The following EFCAB13 variants were observed in gnomAD, a reference collection of about 807,000 sequenced individuals.
The protein encoded by EFCAB13 is EF-hand calcium binding domain 13, also known as EF-hand calcium-binding domain-containing protein 13.
A neutral mutation model predicts 110.2 loss-of-function variants in EFCAB13; 91 were observed. That is an observed-to-expected ratio of 0.83 (90% CI 0.70 to 0.98). The LOEUF is 0.98. EFCAB13 is among the 50% of genes least tolerant of loss of function. The probability of loss-of-function intolerance (pLI) is 0.00; values close to 1 mark genes in which losing one functional copy is unlikely to be tolerated. For missense variants in EFCAB13, 968 were observed against 1,119.4 expected, an observed-to-expected ratio of 0.86 and a Z score of 1.93; for synonymous variants, 323 against 369.9, an observed-to-expected ratio of 0.87 and a Z score of 1.45.
rs1346453083 is a variant in EFCAB13 at position 47,431,825 on chromosome 17, T to C, written c.2638+1864T>C. ...TATATTCTTACTGATGTTTTATTTC[T>C]TTGTTCAATAGTTACTGAAACAGTT... On this transcript the variant is annotated intron_variant, in intron 24 of 24. Coordinates refer to ENST00000331493, the MANE Select transcript of EFCAB13 (RefSeq NM_152347.5). This position sits in a 1 kb window ranked among gnomAD's most constrained non-coding sequence, Gnocchi z 4.1. Among the ~76,000 whole-genome samples, 1 of 152,244 alleles carries C rather than the reference T, an allele frequency of 6.6e-6. No homozygotes were observed. The highest frequency in any genetic ancestry group is 1.5e-5 in the Non-Finnish European group (1 of 68,042).
At chr17:47,398,984 C>T (rs552450022) in intron 17 of EFCAB13, among the ~76,000 whole-genome samples, 48 of 152,236 alleles carry the variant, frequency 3.2e-4, no homozygotes, top group Admixed American at 2.7e-3. Context: ...AGTGCAGTGG[C>T]GCAATCTCGG....
intron 24 of EFCAB13, among the ~76,000 whole-genome samples, chr17:47,437,913 G>A (rs967722160): frequency 6.6e-6 from 1 of 152,126 alleles, no homozygotes; most frequent in Non-Finnish European, 1.5e-5. Context: ...CTGTTTTGAT[G>A]TGTTTCCAGG....
rs1014832259 is a variant in EFCAB13 at position 47,441,124 on chromosome 17, T to TGGAA, written c.*411_*414dup. On this transcript the variant is annotated 3_prime_UTR_variant, in exon 25 of 25. Coordinates refer to ENST00000331493, the MANE Select transcript of EFCAB13 (RefSeq NM_152347.5). ...TTTGTCCCTCTAGTTTTGCCTTTTG[T>TGGAA]GGAATATCATGTAAATGATTAAATA... 1.3e-5 allele frequency: 2 copies of TGGAA among 153,798 alleles called. No homozygotes were observed. Among genetic ancestry groups the TGGAA allele is most frequent in the Non-Finnish European group, 2.9e-5 (2 of 69,202 alleles). 9.5% of individuals were successfully genotyped at this position (153,798 alleles called of 1,614,324 possible).
At chr17:47,354,645 A>G (rs774636205) in intron 9 of EFCAB13, among the ~76,000 whole-genome samples, 1 of 152,078 alleles carries the variant, frequency 6.6e-6, no homozygotes, top group Non-Finnish European at 1.5e-5. Flanking sequence ...TTAAACTGCT[A>G]TTGCTTTAAG....
At chr17:47,355,635 C>T (rs913107906) in intron 9 of EFCAB13, among the ~76,000 whole-genome samples, 1 of 142,706 alleles carries the variant, frequency 7.0e-6, no homozygotes, top group Non-Finnish European at 1.5e-5. Context: ...TGCAGTGATG[C>T]GATCTCGGCT....
chr17:47,360,479 T>G (rs2065506768), intron 9 of EFCAB13, among the ~76,000 whole-genome samples: 1 of 152,156 alleles, frequency 6.6e-6, no homozygotes, highest in Non-Finnish European at 1.5e-5. Flanking sequence ...GGTTGTTTAT[T>G]TTTTTCTTGT....
At position 47,402,115 on chromosome 17, in the gene EFCAB13, A is replaced by G; in HGVS notation, c.1946-17A>G. 6.2e-7 allele frequency: 1 copy of G among 1,612,614 alleles called. No individual in the cohort carries two copies. Among genetic ancestry groups the G allele is most frequent in the Non-Finnish European group, 8.5e-7 (1 of 1,178,712 alleles). On this transcript the variant is annotated splice_polypyrimidine_tract_variant and intron_variant, in intron 17 of 24. Transcript: ENST00000331493. ...TGCGTAATGAGGTTGGTCTATTAAA[A>G]GTGTTTTTTCTCACAGAAGGTGACA...
At chr17:47,378,019 T>C in intron 13 of EFCAB13, 116 bp downstream of exon 13, 3 of 953,316 alleles carry the variant, frequency 3.1e-6, no homozygotes, top group Non-Finnish European at 4.4e-6. Context: ...GAATGGGTCA[T>C]TCTAAAGAAA....
At chr17:47,374,345 GT>G (rs2065601424) in intron 11 of EFCAB13, 126 bp from the exon 12 acceptor site, 1 of 802,638 alleles carries the variant, frequency 1.2e-6, no homozygotes, top group South Asian at 3.4e-5. Flanking sequence ...AATTTTTTTG[GT>G]TTGTTTTATA....
intron 14 of EFCAB13, among the ~76,000 whole-genome samples, chr17:47,386,104 G>T (rs958691891): frequency 6.6e-6 from 1 of 152,218 alleles, no homozygotes; most frequent in African/African-American, 2.4e-5. Context: ...AGGTATGGAG[G>T]TCAGGGACCC....
intron 24 of EFCAB13, among the ~76,000 whole-genome samples, chr17:47,439,034 T>G (rs943211893): frequency 1.3e-5 from 2 of 152,070 alleles, no homozygotes; most frequent in African/African-American, 4.8e-5. Flanking sequence ...TGACTTGTTC[T>G]TAGTATTTCC....
At chr17:47,387,004 T>C (rs574532038) in intron 14 of EFCAB13, among the ~76,000 whole-genome samples, 2 of 151,452 alleles carry the variant, frequency 1.3e-5, no homozygotes, top group African/African-American at 4.9e-5. Flanking sequence ...ATGAGCAGGG[T>C]ACGTCAGTTG....
chr17:47,367,252 C>CTTGCT (rs1173098777), intron 10 of EFCAB13, among the ~76,000 whole-genome samples: 1 of 152,230 alleles, frequency 6.6e-6, no homozygotes, highest in African/African-American at 2.4e-5. Context: ...ACACATAGTA[C>CTTGCT]TTGCTTTGCA....
intron 18 of EFCAB13, among the ~76,000 whole-genome samples, chr17:47,402,764 G>A (rs2143446601): frequency 6.6e-6 from 1 of 152,324 alleles, no homozygotes; most frequent in Admixed American, 6.5e-5. Context: ...AATCCTCAGA[G>A]AATGTGAAGG....
intron 20 of EFCAB13, among the ~76,000 whole-genome samples, chr17:47,409,099 T>C (rs2065820268): frequency 6.6e-6 from 1 of 152,172 alleles, no homozygotes; most frequent in African/African-American, 2.4e-5. Context: ...TTTAATACAA[T>C]AGAGTCCATC....
At chr17:47,370,571 T>C in intron 11 of EFCAB13, 63 bp downstream of exon 11, 2 of 1,116,170 alleles carry the variant, frequency 1.8e-6, no homozygotes, top group Non-Finnish European at 1.3e-6. Context: ...CATTAAATCT[T>C]AATTTATAAG....
At chr17:47,415,334 A>G (rs1038180544) in intron 23 of EFCAB13, among the ~76,000 whole-genome samples, 2 of 152,142 alleles carry the variant, frequency 1.3e-5, no homozygotes, top group Non-Finnish European at 2.9e-5. Context: ...ACATGTATAC[A>G]TATGTAACTA....
At chr17:47,425,399 T>C (rs1393333309) in intron 23 of EFCAB13, among the ~76,000 whole-genome samples, 1 of 152,172 alleles carries the variant, frequency 6.6e-6, no homozygotes, top group Non-Finnish European at 1.5e-5. Context: ...CCTCTCACTC[T>C]GTGTGTGATG....
chr17:47,349,553 C>CT (rs2065436510), intron 9 of EFCAB13, among the ~76,000 whole-genome samples: 1 of 151,912 alleles, frequency 6.6e-6, no homozygotes. Context: ...TATATAATGT[C>CT]GACTGCTCTG....
Sources: gnomAD v4.1 joint callset for allele counts (sites outside exome capture counted in the v4.1 genomes callset) on GRCh38, gnomAD v4.1.1 for gene constraint, Gnocchi (gnomAD v3.1) non-coding constraint, MANE v1.5 for transcripts, NCBI Gene and HGNC (gene_info 2026-07-23, HGNC 2026-07-21) for gene names.